The following STXBP5 variants were observed in gnomAD, a reference collection of about 807,000 sequenced individuals.
STXBP5 encodes the protein syntaxin-binding protein 5.
Under a neutral mutation model 152.4 loss-of-function variants are expected in STXBP5, and 50 were observed. That is an observed-to-expected ratio of 0.33 (90% CI 0.26 to 0.42). The LOEUF is 0.42. STXBP5 is among the 10% of genes least tolerant of loss of function. The pLI is 1.00. For synonymous variants in STXBP5, 492 were observed against 494.7 expected, an observed-to-expected ratio of 0.99 and a Z score of 0.07; for missense variants, 1,167 against 1,388.6, an observed-to-expected ratio of 0.84 and a Z score of 2.54.
At chr6:147,351,599 T>C (rs1467999873) in intron 21 of STXBP5, among the ~76,000 whole-genome samples, 1 of 152,208 alleles carries the variant, frequency 6.6e-6, no homozygotes, top group Admixed American at 6.5e-5. Context: ...ATCAACTAAC[T>C]GCAGATGTTA....
intron 21 of STXBP5, among the ~76,000 whole-genome samples, chr6:147,341,185 G>T (rs557761226): frequency 5.3e-5 from 8 of 151,610 alleles, no homozygotes; most frequent in Non-Finnish European, 1.0e-4. Context: ...AAGTTTTTTT[G>T]CATTTGAAAA....
At chr6:147,249,193 A>G (rs774935093) in intron 4 of STXBP5, among the ~76,000 whole-genome samples, 26 of 152,184 alleles carry the variant, frequency 1.7e-4, no homozygotes, top group Non-Finnish European at 3.5e-4. Context: ...TAACCTACAG[A>G]AATAATAAAT....
Position 147,373,764 on chromosome 6 carries a change from A to G in STXBP5, c.3115A>G (p.Thr1039Ala), listed in dbSNP as rs1785675805. ...MLGELFTPVE[T>A]PEAPNRGFFK... Reference sequence around the variant, plus strand: ...GGGTGAACTCTTCACTCCTGTAGAAACACCTGAAGCACCAAACAGGGGATT... The same window carrying G: ...GGGTGAACTCTTCACTCCTGTAGAAGCACCTGAAGCACCAAACAGGGGATT... The change falls in exon 26 of 28, where the codon ACA becomes GCA. Residue 1039 changes from threonine to alanine, a missense_variant. Thr to Ala is a moderately conservative substitution (Grantham distance 58, BLOSUM62 0). This residue lies in a region of STXBP5 where 833 missense variants were observed against 986.3 expected (regional missense o/e 0.84). Transcript: ENST00000321680. 1.2e-6 allele frequency: 2 copies of G among 1,613,866 alleles called. No individual in the cohort carries two copies. Among genetic ancestry groups the G allele is most frequent in the Non-Finnish European group, 1.7e-6 (2 of 1,179,862 alleles).
intron 23 of STXBP5, among the ~76,000 whole-genome samples, chr6:147,361,346 C>T (rs533569009): frequency 6.6e-6 from 1 of 152,140 alleles, no homozygotes. Flanking sequence ...GTATACTTTC[C>T]AACTTGCAAT....
intron 4 of STXBP5, among the ~76,000 whole-genome samples, chr6:147,249,523 C>G (rs901073829): frequency 6.6e-6 from 1 of 152,140 alleles, no homozygotes; most frequent in Non-Finnish European, 1.5e-5. Context: ...GTCCCCTACA[C>G]AATAGGTAAG....
At chr6:147,341,792 C>T (rs775863049) in intron 21 of STXBP5, among the ~76,000 whole-genome samples, 7 of 151,926 alleles carry the variant, frequency 4.6e-5, no homozygotes, top group Non-Finnish European at 8.8e-5. Flanking sequence ...GACAGTACAG[C>T]TGAGGTAGCT....
chr6:147,383,026 A>G, intron 27 of STXBP5, 28 bp downstream of exon 27: 1 of 1,609,560 alleles, frequency 6.2e-7, no homozygotes, highest in Non-Finnish European at 8.5e-7. Context: ...ATATTTGAAC[A>G]AAAAGCTCTA....
intron 9 of STXBP5, among the ~76,000 whole-genome samples, chr6:147,296,228 A>T (rs1781516929): frequency 6.6e-6 from 1 of 152,108 alleles, no homozygotes; most frequent in African/African-American, 2.4e-5. Context: ...AGTAGGAAAA[A>T]AAAAAGCTCA....
chr6:147,295,036 CT>C (rs35037133), intron 9 of STXBP5, among the ~76,000 whole-genome samples: 1 of 152,158 alleles, frequency 6.6e-6, no homozygotes, highest in Non-Finnish European at 1.5e-5. Context: ...CCTCGCTGAC[CT>C]TTTTACCTTA....
chr6:147,364,206 A>G lies in STXBP5; in HGVS notation c.3081+40A>G, dbSNP rs149022231. The G allele has an allele frequency of 3.2e-4, 505 of 1,575,132 alleles. No individual in the cohort carries two copies. In the African/African-American group the frequency reaches 6.3e-3, roughly 20 times the overall value. ...TATTACTGTAATTTCTTCAGAGGTA[A>G]AGTATTCTCTGAGGGCCCGTATACT... On this transcript the variant is annotated intron_variant, in intron 25 of 27. Coordinates refer to ENST00000321680, the MANE Select transcript of STXBP5 (RefSeq NM_001127715.4).
intron 3 of STXBP5, among the ~76,000 whole-genome samples, chr6:147,236,316 T>C (rs1197873507): frequency 1.3e-5 from 2 of 152,196 alleles, no homozygotes; most frequent in African/African-American, 4.8e-5. Context: ...TGTTAAATTT[T>C]TTTTAATTAA....
Position 147,373,931 on chromosome 6 carries a change from CT to C in STXBP5, c.3193+96del, listed in dbSNP as rs537801141. ...TTTTTATACGTGTAAATTATGTTCA[CT>C]TTTTTTCTCTTTGTCACAATTACTA... On this transcript the variant is annotated intron_variant, in intron 26 of 27. Coordinates refer to ENST00000321680, the MANE Select transcript of STXBP5 (RefSeq NM_001127715.4). The C allele has an allele frequency of 4.3e-4, 308 of 716,494 alleles. 1 individual carries two copies. The highest frequency in any genetic ancestry group is 4.1e-3 in the East Asian group (149 of 36,298). The allele number at this position is 716,494 out of a possible 1,614,324, so 44.4% of individuals were successfully genotyped here.
chr6:147,261,788 T>G (rs1276680243), intron 5 of STXBP5, among the ~76,000 whole-genome samples: 1 of 152,024 alleles, frequency 6.6e-6, no homozygotes, highest in East Asian at 1.9e-4. Flanking sequence ...AGGGGTATGC[T>G]TATTTTTACT....
At chr6:147,341,217 C>T (rs1043946346) in intron 21 of STXBP5, among the ~76,000 whole-genome samples, 1 of 151,874 alleles carries the variant, frequency 6.6e-6, no homozygotes, top group African/African-American at 2.4e-5. Flanking sequence ...AGTTTATCTC[C>T]CTACATTAGT....
intron 13 of STXBP5, 123 bp from the exon 14 acceptor site, chr6:147,314,473 G>A (rs915938800): frequency 3.8e-6 from 5 of 1,306,828 alleles, no homozygotes; most frequent in Non-Finnish European, 5.3e-6. Flanking sequence ...TTAAGAACCT[G>A]CCAGTTTACC....
chr6:147,209,253 C>G (rs531637906), intron 2 of STXBP5, among the ~76,000 whole-genome samples: 1 of 152,148 alleles, frequency 6.6e-6, no homozygotes, highest in East Asian at 1.9e-4. Context: ...AAATTATTAT[C>G]GAAGAACCTC....
intron 16 of STXBP5, among the ~76,000 whole-genome samples, 193 bp downstream of exon 16, chr6:147,316,600 ATAT>A (rs1425766753): frequency 6.6e-6 from 1 of 152,186 alleles, no homozygotes; most frequent in African/African-American, 2.4e-5. Context: ...GCATTTCATG[ATAT>A]TATCCTTAAA....
chr6:147,255,062 C>T (rs1779289171), intron 4 of STXBP5, among the ~76,000 whole-genome samples: 1 of 152,282 alleles, frequency 6.6e-6, no homozygotes, highest in East Asian at 1.9e-4. Context: ...GACGTGGAAC[C>T]AACCCAAATG....
intron 21 of STXBP5, among the ~76,000 whole-genome samples, chr6:147,347,213 G>C (rs535390927): frequency 6.6e-6 from 1 of 152,080 alleles, no homozygotes; most frequent in Non-Finnish European, 1.5e-5. Flanking sequence ...CAAATTAAAC[G>C]CCAAGTTAAT....
Sources: allele counts gnomAD v4.1 joint callset (sites outside exome capture counted in the v4.1 genomes callset), GRCh38; gene constraint gnomAD v4.1.1; regional missense constraint gnomAD v4.1.1; transcripts MANE v1.5; gene names NCBI Gene and HGNC (gene_info 2026-07-23, HGNC 2026-07-21).